The following MYT1L variants were observed in gnomAD, a reference collection of about 807,000 sequenced individuals.
MYT1L encodes myelin transcription factor 1-like protein.
Under a neutral mutation model 126.7 loss-of-function variants are expected in MYT1L, and 12 were observed. The observed-to-expected ratio is 0.09, with a 90% CI of 0.06 to 0.15. MYT1L has a LOEUF of 0.15. MYT1L is among the 10% of genes least tolerant of loss of function. The pLI, the probability that MYT1L is intolerant of heterozygous loss-of-function variation, is 1.00. For missense variants in MYT1L, 979 were observed against 1,585.2 expected, an observed-to-expected ratio of 0.62 and a Z score of 6.49; for synonymous variants, 541 against 604.2, an observed-to-expected ratio of 0.90 and a Z score of 1.53.
chr2:2,155,773 C>A (rs1029981081), intron 3 of MYT1L, among the ~76,000 whole-genome samples: 2 of 152,168 alleles, frequency 1.3e-5, no homozygotes, highest in Non-Finnish European at 2.9e-5. Flanking sequence ...GCCACTAATA[C>A]CAACTTTTTA....
Position 1,953,330 on chromosome 2 carries a change from C to T in MYT1L, c.153-9996G>A, listed in dbSNP as rs150809022. On this transcript the variant is annotated intron_variant, in intron 8 of 24. Coordinates refer to ENST00000647738, the MANE Select transcript of MYT1L (RefSeq NM_001303052.2). Reference sequence around the variant, plus strand: ...TGCTGTAGCATGTGAGATTCCACTGCGTGTCCACAGTCACCCTTCACAACT... The same window carrying T: ...TGCTGTAGCATGTGAGATTCCACTGTGTGTCCACAGTCACCCTTCACAACT... Among the ~76,000 whole-genome samples the T allele has an allele frequency of 4.6e-4, 70 of 152,322 alleles. 1 individual carries two copies. In the East Asian group the frequency reaches 5.4e-3, roughly 12 times the overall value.
intron 8 of MYT1L, among the ~76,000 whole-genome samples, chr2:1,948,862 A>G (rs972727414): frequency 1.3e-5 from 2 of 152,222 alleles, no homozygotes; most frequent in Non-Finnish European, 2.9e-5. Context: ...GCACTGACAG[A>G]ATGATGTTTA....
In MYT1L at chr2:2,230,988, C is replaced by T. The variant is rs532425282; in HGVS notation, c.-421+53416G>A. Among the ~76,000 whole-genome samples the T allele has an allele frequency of 9.5e-4, 145 of 152,256 alleles. 1 individual carries two copies. Among genetic ancestry groups the T allele is most frequent in the Non-Finnish European group, 1.7e-3 (113 of 68,014 alleles). On this transcript the variant is annotated intron_variant, in intron 2 of 24. Coordinates refer to ENST00000647738, the MANE Select transcript of MYT1L (RefSeq NM_001303052.2). ...CACTGGCCCAGGCAGACAGACCACA[C>T]GACCATCAGGGAACTTACCCAGCCC... is the stretch of plus-strand genomic sequence containing the variant.
chr2:1,790,983 A>C lies in MYT1L; in HGVS notation c.*884T>G. 1 of 289,098 alleles carries C rather than the reference A, an allele frequency of 3.5e-6. No individual in the cohort carries two copies. The highest frequency in any genetic ancestry group is 6.9e-6 in the Non-Finnish European group (1 of 145,732). 17.9% of individuals were successfully genotyped at this position (289,098 alleles called of 1,614,324 possible). On this transcript the variant is annotated 3_prime_UTR_variant, in exon 25 of 25. Coordinates refer to ENST00000647738, the MANE Select transcript of MYT1L (RefSeq NM_001303052.2). Reference sequence around the variant, plus strand: ...ACGAAACTCTAGGGGAGATACGAGAAGGTTGTTCCAAAGTTTATTGAAAAT... The same window carrying C: ...ACGAAACTCTAGGGGAGATACGAGACGGTTGTTCCAAAGTTTATTGAAAAT...
intron 2 of MYT1L, among the ~76,000 whole-genome samples, chr2:2,261,658 G>A (rs1229222848): frequency 2.6e-5 from 4 of 152,284 alleles, no homozygotes; most frequent in Non-Finnish European, 5.9e-5. Context: ...TAAGAGAGTG[G>A]TGCAGATACA....
intron 2 of MYT1L, among the ~76,000 whole-genome samples, chr2:2,188,438 G>T (rs910061207): frequency 1.3e-5 from 2 of 152,168 alleles, no homozygotes; most frequent in African/African-American, 4.8e-5. Flanking sequence ...GCAGGCACAC[G>T]CTCACGCCGA....
intron 2 of MYT1L, among the ~76,000 whole-genome samples, chr2:2,186,410 G>A (rs1043291877): frequency 6.6e-6 from 1 of 152,200 alleles, no homozygotes; most frequent in Non-Finnish European, 1.5e-5. Flanking sequence ...AATGTTTTTC[G>A]TTTTTTGAAG....
intron 2 of MYT1L, among the ~76,000 whole-genome samples, chr2:2,216,280 A>G (rs1458998366): frequency 1.3e-5 from 2 of 152,196 alleles, no homozygotes; most frequent in Admixed American, 1.3e-4. Context: ...AAGTCTCAAT[A>G]AATTTAAAAG....
chr2:2,044,721 C>T (rs553569873), intron 4 of MYT1L, among the ~76,000 whole-genome samples: 27 of 152,126 alleles, frequency 1.8e-4, no homozygotes, highest in Non-Finnish European at 3.5e-4. Context: ...GCCTTCTTCC[C>T]CCAAAACCCA....
intron 2 of MYT1L, among the ~76,000 whole-genome samples, chr2:2,196,709 A>G (rs2092814547): frequency 6.6e-6 from 1 of 152,052 alleles, no homozygotes; most frequent in Admixed American, 6.5e-5. Flanking sequence ...GAAAGTCAAT[A>G]AAACCTAGTA....
At chr2:2,152,813 CTTAG>C (rs994901837) in intron 3 of MYT1L, among the ~76,000 whole-genome samples, 7 of 152,084 alleles carry the variant, frequency 4.6e-5, no homozygotes, top group South Asian at 2.1e-4. Context: ...AACAAGCTAT[CTTAG>C]TTAGGAGTTC....
At chr2:2,137,638 T>C (rs1049000278) in intron 3 of MYT1L, among the ~76,000 whole-genome samples, 4 of 152,232 alleles carry the variant, frequency 2.6e-5, no homozygotes, top group African/African-American at 7.2e-5. Context: ...GCTAGCCATA[T>C]GTAGAAAGCT....
rs1488046950 is a variant in MYT1L, at chr2:1,887,565, C to T, written c.2565G>A (p.Arg855=). The T allele has an allele frequency of 1.9e-6, 3 of 1,613,854 alleles. No individual in the cohort carries two copies. The South Asian group carries it at 3.3e-5, about 18-fold the overall frequency. Residue 855 remains arginine (R), a synonymous_variant, in exon 17 of 25, where the codon CGG becomes CGA. Transcript: ENST00000647738. The surrounding 1 kb of genome is among the most constrained non-coding windows in gnomAD (Gnocchi z 4.8). ...TTGGGATGGTCACCTCCCCGGGATA[C>T]CGTCTTTCTTCTAGAGCCTCCTGGA... ...DPFQEALEER[R]YPGEVTIPSP... is the part of the protein sequence containing the mutation.
At chr2:1,914,124 T>G (rs1416104496) in intron 11 of MYT1L, among the ~76,000 whole-genome samples, 2 of 151,964 alleles carry the variant, frequency 1.3e-5, no homozygotes, top group Non-Finnish European at 1.5e-5. Flanking sequence ...CGTGGTGGCA[T>G]GCACCTGTAA....
chr2:2,040,317 C>T (rs868440910), intron 4 of MYT1L, among the ~76,000 whole-genome samples: 7 of 152,244 alleles, frequency 4.6e-5, no homozygotes, highest in Middle Eastern at 6.8e-3. Flanking sequence ...ACATATCCAG[C>T]CTGTCCTTAT....
rs939734995 is a variant in MYT1L at position 1,837,556 on chromosome 2, G to A, written c.3080+1593C>T. On this transcript the variant is annotated intron_variant, in intron 21 of 24. Transcript: ENST00000647738. ...GAAGATCTGCTTGCACAAGGACATG[G>A]AGTTGTGTGCACAAGGACGTTCACG... Among the ~76,000 whole-genome samples the A allele has an allele frequency of 3.3e-5, 5 of 152,232 alleles. 1 individual carries two copies. The highest frequency in any genetic ancestry group is 2.6e-4 in the Admixed American group (4 of 15,280).
intron 1 of MYT1L, among the ~76,000 whole-genome samples, chr2:2,302,627 A>G (rs571893901): frequency 6.6e-6 from 1 of 152,302 alleles, no homozygotes; most frequent in East Asian, 1.9e-4. Flanking sequence ...CCGTCCCTAG[A>G]AAGATAGACA....
In MYT1L at chr2:1,930,705, G is replaced by C. The variant is rs147390805; in HGVS notation, c.506-7442C>G. On this transcript the variant is annotated intron_variant, in intron 9 of 24. Coordinates refer to ENST00000647738, the MANE Select transcript of MYT1L (RefSeq NM_001303052.2). ...ATACTCAAAGTTGCTCTTAAGAGTT[G>C]TTTAAAATGAATGCTGTCTGGAATA... Among the ~76,000 whole-genome samples, 824 of 152,298 alleles carry C rather than the reference G, an allele frequency of 5.4e-3. 4 individuals are homozygous for C. The highest frequency in any genetic ancestry group is 0.019 in the African/African-American group (781 of 41,572).
At chr2:2,139,473 G>GTA (rs773620180) in intron 3 of MYT1L, among the ~76,000 whole-genome samples, 40 of 151,406 alleles carry the variant, frequency 2.6e-4, no homozygotes, top group Admixed American at 4.6e-4. Flanking sequence ...AAAAATATAT[G>GTA]TATATATATA....
Sources: gnomAD v4.1 joint callset for allele counts (sites outside exome capture counted in the v4.1 genomes callset) on GRCh38, gnomAD v4.1.1 for gene constraint, Gnocchi (gnomAD v3.1) non-coding constraint, MANE v1.5 for transcripts, NCBI Gene and HGNC (gene_info 2026-07-23, HGNC 2026-07-21) for gene names.